The following AGMO variants were observed in gnomAD, a reference collection of about 807,000 sequenced individuals.
AGMO encodes alkylglycerol monooxygenase, also known as glyceryl-ether monooxygenase.
A neutral mutation model predicts 60.2 loss-of-function variants in AGMO; 75 were observed. That is an observed-to-expected ratio of 1.25 (90% confidence interval 1.03 to 1.51). AGMO has a LOEUF of 1.51. AGMO is among the 40% of genes most tolerant of loss of function. The probability of loss-of-function intolerance (pLI) is 0.00; values close to 1 mark genes in which losing one functional copy is unlikely to be tolerated. For synonymous variants in AGMO, 261 were observed against 177.1 expected (o/e 1.47, Z -3.76); for missense variants, 763 against 525.5 (o/e 1.45, Z -4.42).
chr7:15,359,816 A>T (rs1782682386), intron 12 of AGMO, among the ~76,000 whole-genome samples: 1 of 152,234 alleles, frequency 6.6e-6, no homozygotes, highest in Non-Finnish European at 1.5e-5. Context: ...GAAATCATAA[A>T]ATACAAAAAA....
intron 12 of AGMO, among the ~76,000 whole-genome samples, chr7:15,355,406 G>C (rs1583448994): frequency 6.7e-6 from 1 of 149,670 alleles, no homozygotes; most frequent in Non-Finnish European, 1.5e-5. Flanking sequence ...GGGAGGCTGA[G>C]GAAGGAGAAC....
At chr7:15,340,092 C>A (rs550557159) in intron 12 of AGMO, among the ~76,000 whole-genome samples, 1 of 152,288 alleles carries the variant, frequency 6.6e-6, no homozygotes, top group African/African-American at 2.4e-5. Context: ...TTTGGAATAT[C>A]TGCATATGCA....
the AGMO span, among the ~76,000 whole-genome samples, chr7:15,162,132 T>G: frequency 6.6e-6 from 1 of 152,090 alleles, no homozygotes; most frequent in Non-Finnish European, 1.5e-5. Flanking sequence ...TCTCTCCTGC[T>G]GCCATGTAAG....
chr7:15,249,408 A>C (rs1392310589), intron 12 of AGMO, among the ~76,000 whole-genome samples: 2 of 152,206 alleles, frequency 1.3e-5, no homozygotes, highest in Non-Finnish European at 2.9e-5. Flanking sequence ...AATCTCCCAA[A>C]GATTAAAATA....
chr7:15,309,627 TGTA>T (rs1780711272), intron 12 of AGMO, among the ~76,000 whole-genome samples: 1 of 152,152 alleles, frequency 6.6e-6, no homozygotes, highest in African/African-American at 2.4e-5. Flanking sequence ...TTCTATATAA[TGTA>T]GTAATATTGT....
chr7:15,173,894 A>C, the AGMO span, among the ~76,000 whole-genome samples: 1 of 151,904 alleles, frequency 6.6e-6, no homozygotes, highest in South Asian at 2.1e-4. Flanking sequence ...CAGGTAAAGA[A>C]ACATTTAAAA....
rs1562557014 is a variant in AGMO at position 15,531,336 on chromosome 7, CTATATATATTCT to C, written c.409+13424_409+13435del. On this transcript the variant is annotated intron_variant, in intron 3 of 12. Coordinates refer to ENST00000342526, the MANE Select transcript of AGMO (RefSeq NM_001004320.2). The stretch of plus-strand genomic sequence containing the variant: ...TCTATACATATATTCTATATATATT[CTATATATATTCT>C]ATATATATTCTATATATATATTCTA... Among the ~76,000 whole-genome samples, 252 of 82,688 alleles carry C rather than the reference CTATATATATTCT, an allele frequency of 3.0e-3. 2 individuals are homozygous for C. The highest frequency in any genetic ancestry group is 0.015 in the African/African-American group (244 of 15,908). 54.2% of individuals were successfully genotyped at this position (82,688 alleles called of 152,430 possible).
intron 3 of AGMO, among the ~76,000 whole-genome samples, chr7:15,538,897 G>C (rs372513372): frequency 3.3e-5 from 5 of 152,070 alleles, no homozygotes; most frequent in Admixed American, 1.3e-4. Context: ...TCACTACCTT[G>C]TTTACATACA....
At chr7:15,174,342 G>A in the AGMO span, among the ~76,000 whole-genome samples, 1 of 152,036 alleles carries the variant, frequency 6.6e-6, no homozygotes, top group Non-Finnish European at 1.5e-5. Context: ...GGGGAGGAAC[G>A]ATCACTTTTT....
chr7:15,493,522 C>T (rs1045639750), intron 3 of AGMO, among the ~76,000 whole-genome samples: 14 of 151,168 alleles, frequency 9.3e-5, no homozygotes, highest in African/African-American at 2.9e-4. Flanking sequence ...TGCAGGCGCC[C>T]GCCACCACAC....
At chr7:15,178,642 G>A in the AGMO span, among the ~76,000 whole-genome samples, 1 of 152,026 alleles carries the variant, frequency 6.6e-6, no homozygotes, top group Non-Finnish European at 1.5e-5. Flanking sequence ...GTACATAAGT[G>A]CAGCTTCTTG....
intron 12 of AGMO, among the ~76,000 whole-genome samples, chr7:15,354,290 A>T (rs1395172277): frequency 9.1e-6 from 1 of 110,296 alleles, no homozygotes. Flanking sequence ...CACGAATGAG[A>T]TAAATATATA....
At chr7:15,369,855 T>C (rs1562464652) in intron 10 of AGMO, among the ~76,000 whole-genome samples, 1 of 152,196 alleles carries the variant, frequency 6.6e-6, no homozygotes, top group Non-Finnish European at 1.5e-5. Flanking sequence ...CATTAAATGT[T>C]ATTACATTGC....
intron 5 of AGMO, among the ~76,000 whole-genome samples, chr7:15,403,419 C>T (rs1480724852): frequency 6.6e-6 from 1 of 151,778 alleles, no homozygotes; most frequent in East Asian, 1.9e-4. Flanking sequence ...CAAGGTACTG[C>T]AGTAAGATCT....
intron 4 of AGMO, among the ~76,000 whole-genome samples, chr7:15,424,761 T>C (rs1469428404): frequency 6.6e-6 from 1 of 152,190 alleles, no homozygotes; most frequent in African/African-American, 2.4e-5. Context: ...GGCAAAGTTC[T>C]GAGAAAAGTT....
chr7:15,171,735 T>C, the AGMO span, among the ~76,000 whole-genome samples: 130,791 of 152,156 alleles, frequency 0.86, 56,477 homozygotes, highest in East Asian at 1. Context: ...TCTAACAAGT[T>C]TCTTATTAAC....
At position 15,247,449 on chromosome 7, in the gene AGMO, C is replaced by G. The variant is rs1441826114; in HGVS notation, c.1264-46090G>C. On this transcript the variant is annotated intron_variant, in intron 12 of 12. Transcript: ENST00000342526. ...ACACACACACACACACACACACACACACACACACACAGAGAGAGAGAGAGA... is the reference window on the plus strand; with the variant it reads ...ACACACACACACACACACACACACAGACACACACACAGAGAGAGAGAGAGA... 9.3e-3 allele frequency among the ~76,000 whole-genome samples: 1,076 copies of G among 116,306 alleles called. 9 individuals carry two copies. The highest frequency in any genetic ancestry group is 0.027 in the East Asian group (110 of 4,054). 76.3% of individuals were successfully genotyped at this position (116,306 alleles called of 152,430 possible). A position where few individuals can be genotyped will look rare whatever the true frequency, so the allele number is the denominator to read the frequency against.
At chr7:15,504,778 A>G (rs559045528) in intron 3 of AGMO, among the ~76,000 whole-genome samples, 1 of 149,188 alleles carries the variant, frequency 6.7e-6, no homozygotes, top group East Asian at 1.9e-4. Context: ...TCTAGTTAAA[A>G]TAAAAAAAAA....
intron 3 of AGMO, among the ~76,000 whole-genome samples, chr7:15,474,342 C>A (rs150084550): frequency 0.019 from 2,894 of 152,068 alleles, 79 homozygotes; most frequent in African/African-American, 0.062. Flanking sequence ...GGTACTGGTA[C>A]CAAAACAGAG....
Sources: gnomAD v4.1 joint callset for allele counts (sites outside exome capture counted in the v4.1 genomes callset) on GRCh38, gnomAD v4.1.1 for gene constraint, MANE v1.5 for transcripts, NCBI Gene and HGNC (gene_info 2026-07-23, HGNC 2026-07-21) for gene names.